LMF1: variants seen among roughly 807,000 people sequenced by gnomAD.
The protein encoded by LMF1 is transmembrane protein 112.
In LMF1, 68 loss-of-function variants were observed where a neutral mutation model predicts 60.6. That is an observed-to-expected ratio of 1.12 (90% CI 0.92 to 1.37). The LOEUF (loss-of-function observed/expected upper bound fraction) is 1.37, where lower values mean the gene tolerates loss of function less well. Among genes scored for constraint, LMF1 ranks in the 40% most tolerant of loss-of-function variants. The probability of loss-of-function intolerance (pLI) is 0.00; values close to 1 mark genes in which losing one functional copy is unlikely to be tolerated. For missense variants in LMF1, 948 were observed against 767.2 expected, an observed-to-expected ratio of 1.24 and a Z score of -2.78; for synonymous variants, 418 against 324.7, an observed-to-expected ratio of 1.29 and a Z score of -3.09.
rs2070068680 is a variant in LMF1, at chr16:878,721, G to A, written c.897+849C>T. On this transcript the variant is annotated intron_variant, in intron 6 of 10. Coordinates refer to ENST00000262301, the MANE Select transcript of LMF1 (RefSeq NM_022773.4). This position sits in a 1 kb window ranked among gnomAD's most constrained non-coding sequence, Gnocchi z 5.2. The stretch of plus-strand genomic sequence containing the variant: ...CCCTCTAGGCGGCGGTGCTCTGGCA[G>A]GGGTGGGCAGGGCAGGGGAAGGGCG... 6.6e-6 allele frequency among the ~76,000 whole-genome samples: 1 copy of A among 151,336 alleles called. No individual in the cohort carries two copies. The highest frequency in any genetic ancestry group is 1.5e-5 in the Non-Finnish European group (1 of 67,904).
chr16:888,456 C>G (rs933967042), intron 5 of LMF1, among the ~76,000 whole-genome samples: 1 of 152,178 alleles, frequency 6.6e-6, no homozygotes, highest in Non-Finnish European at 1.5e-5. Context: ...TGTGGGAGTC[C>G]TCACTCCATC....
chr16:981,008 G>A (rs1245763750), intron 1 of LMF1: 2 of 193,082 alleles, frequency 1.0e-5, no homozygotes, highest in East Asian at 1.9e-4. Flanking sequence ...CGCAGGCCCC[G>A]CCCAGCGCTC....
In LMF1 at chr16:931,083, T is replaced by C. The variant is rs866645526; in HGVS notation, c.514+3161A>G. On this transcript the variant is annotated intron_variant, in intron 3 of 10. Transcript: ENST00000262301. ...TTGCAGTGAGCCAAGATCGCACCACTGCTCTCCAGCCTGGGCGACAGAGCG... is the reference window on the plus strand; with the variant it reads ...TTGCAGTGAGCCAAGATCGCACCACCGCTCTCCAGCCTGGGCGACAGAGCG... 1.0e-3 allele frequency among the ~76,000 whole-genome samples: 151 copies of C among 151,738 alleles called. 2 individuals carry two copies. Among genetic ancestry groups the C allele is most frequent in the Non-Finnish European group, 1.4e-3 (92 of 67,916 alleles).
At chr16:893,524 C>A (rs1210552102) in intron 4 of LMF1, among the ~76,000 whole-genome samples, 1 of 152,180 alleles carries the variant, frequency 6.6e-6, no homozygotes, top group Non-Finnish European at 1.5e-5. Context: ...CCCTGCGGCA[C>A]AAAGGGAGCC....
intron 2 of LMF1, among the ~76,000 whole-genome samples, chr16:944,563 A>G (rs1233160984): frequency 6.6e-6 from 1 of 152,180 alleles, no homozygotes; most frequent in Non-Finnish European, 1.5e-5. Flanking sequence ...CTTTCCAGGG[A>G]CAGCAGTCCT....
intron 1 of LMF1, among the ~76,000 whole-genome samples, chr16:959,425 T>C (rs1019988023): frequency 3.3e-5 from 5 of 151,948 alleles, no homozygotes; most frequent in South Asian, 2.1e-4. Context: ...GGGGAAGTGG[T>C]CACTCCCATG....
chr16:914,918 T>C (rs1370061575), intron 3 of LMF1, among the ~76,000 whole-genome samples: 2 of 152,140 alleles, frequency 1.3e-5, no homozygotes, highest in South Asian at 2.1e-4. Flanking sequence ...CGAGTGCTAA[T>C]CAGTAATGTT....
chr16:871,851 GAGACAC>G (rs1183111115), intron 6 of LMF1: 1 of 155,278 alleles, frequency 6.4e-6, no homozygotes, highest in Non-Finnish European at 1.4e-5. Flanking sequence ...GCAAGGAAGT[GAGACAC>G]AGGCACAGGA....
intron 1 of LMF1, chr16:976,549 A>G: frequency 2.2e-6 from 1 of 454,072 alleles, no homozygotes; most frequent in Non-Finnish European, 4.4e-6. Flanking sequence ...TTGGGGCCCC[A>G]GGGCTCCTGC....
chr16:869,862 C>A (rs749907025), intron 9 of LMF1, 21 bp downstream of exon 9: 2 of 1,604,556 alleles, frequency 1.2e-6, no homozygotes, highest in South Asian at 2.2e-5. Context: ...GTCCATGCGC[C>A]CGCCAGGGAC....
At chr16:976,211 G>T (rs547372024) in intron 1 of LMF1, 1 of 448,310 alleles carries the variant, frequency 2.2e-6, no homozygotes, top group East Asian at 7.0e-5. Flanking sequence ...GGGGGCTGGG[G>T]CCCAGGGCCT....
At chr16:976,648 AC>A (rs1352661451) in intron 1 of LMF1, 1 of 453,584 alleles carries the variant, frequency 2.2e-6, no homozygotes, top group East Asian at 7.0e-5. Context: ...GGCGCCCCCC[AC>A]CCCCACACTG....
chr16:859,919 C>A (rs565428263), intron 10 of LMF1, among the ~76,000 whole-genome samples: 3 of 129,758 alleles, frequency 2.3e-5, no homozygotes, highest in Non-Finnish European at 4.5e-5. Context: ...AGTGGTGTCA[C>A]GGGATCGGTG....
At chr16:918,645 G>A (rs952111500) in intron 3 of LMF1, among the ~76,000 whole-genome samples, 4 of 152,108 alleles carry the variant, frequency 2.6e-5, no homozygotes, top group East Asian at 1.9e-4. Flanking sequence ...TGTGCCCACG[G>A]AGCTGTCCTG....
intron 10 of LMF1, among the ~76,000 whole-genome samples, chr16:863,154 G>T (rs1409350718): frequency 6.6e-6 from 1 of 152,146 alleles, no homozygotes; most frequent in Non-Finnish European, 1.5e-5. Context: ...TCAGATTGCA[G>T]GGTCTGTAGT....
At chr16:907,683 G>A (rs1413586404) in intron 4 of LMF1, among the ~76,000 whole-genome samples, 1 of 152,194 alleles carries the variant, frequency 6.6e-6, no homozygotes, top group Non-Finnish European at 1.5e-5. Flanking sequence ...CGCGAGCGGG[G>A]GAAGGGGTGT....
intron 5 of LMF1, among the ~76,000 whole-genome samples, chr16:888,305 T>G (rs752906862): frequency 1.0e-3 from 156 of 152,348 alleles, no homozygotes; most frequent in Non-Finnish European, 1.4e-3. Context: ...GCCGTGGGAC[T>G]GAATCAGAGT....
chr16:911,694 G>A (rs1218435110), intron 3 of LMF1, among the ~76,000 whole-genome samples: 1 of 144,074 alleles, frequency 6.9e-6, no homozygotes, highest in Non-Finnish European at 1.5e-5. Flanking sequence ...CAGCACTGGG[G>A]GAGCAGCACT....
At chr16:860,051 C>T (rs141660879) in intron 10 of LMF1, among the ~76,000 whole-genome samples, 10 of 149,022 alleles carry the variant, frequency 6.7e-5, no homozygotes, top group African/African-American at 2.3e-4. Context: ...ATCTGTGCAC[C>T]TTCTTTGGTG....
Sources: allele counts gnomAD v4.1 joint callset (sites outside exome capture counted in the v4.1 genomes callset), GRCh38; gene constraint gnomAD v4.1.1; non-coding constraint Gnocchi (gnomAD v3.1); transcripts MANE v1.5; gene names NCBI Gene and HGNC (gene_info 2026-07-23, HGNC 2026-07-21).